RTN4RL1: variants seen among roughly 807,000 people sequenced by gnomAD.
RTN4RL1 encodes the protein reticulon 4 receptor like 1, also known as reticulon-4 receptor-like 1.
In RTN4RL1, 7 loss-of-function variants were observed where a neutral mutation model predicts 25.6. The observed-to-expected ratio is 0.27, with a 90% confidence interval of 0.16 to 0.51. The LOEUF (loss-of-function observed/expected upper bound fraction) is 0.51, where lower values mean the gene tolerates loss of function less well. Among genes scored for constraint, RTN4RL1 ranks in the 20% least tolerant of loss-of-function variants. The pLI, the probability that RTN4RL1 is intolerant of heterozygous loss-of-function variation, is 0.97. For synonymous variants in RTN4RL1, 297 were observed against 288.2 expected, an observed-to-expected ratio of 1.03 and a Z score of -0.31; for missense variants, 500 against 615.6, an observed-to-expected ratio of 0.81 and a Z score of 1.99.
At chr17:1,976,328 C>G (rs533758853) in intron 1 of RTN4RL1, among the ~76,000 whole-genome samples, 1 of 152,352 alleles carries the variant, frequency 6.6e-6, no homozygotes, top group East Asian at 1.9e-4. Flanking sequence ...AGGTGTCGGC[C>G]CATGGCCTGG....
At chr17:1,941,550 A>C (rs1267906445) in intron 1 of RTN4RL1, among the ~76,000 whole-genome samples, 4 of 152,160 alleles carry the variant, frequency 2.6e-5, no homozygotes, top group Non-Finnish European at 5.9e-5. Flanking sequence ...CAGTGTGGGC[A>C]GCCCCTCCCG....
intron 1 of RTN4RL1, among the ~76,000 whole-genome samples, chr17:2,023,307 T>C (rs1008392889): frequency 1.3e-5 from 2 of 152,296 alleles, no homozygotes; most frequent in Admixed American, 6.5e-5. Context: ...CACTGCTCGG[T>C]TGCTGAAAGG....
intron 1 of RTN4RL1, chr17:1,995,618 T>A (rs963568193): frequency 6.6e-6 from 1 of 152,184 alleles, no homozygotes; most frequent in African/African-American, 2.4e-5. Context: ...AACAACATGG[T>A]TCTGCCTGGC....
At chr17:1,964,657 G>A (rs1276490253) in intron 1 of RTN4RL1, among the ~76,000 whole-genome samples, 1 of 151,168 alleles carries the variant, frequency 6.6e-6, no homozygotes, top group Non-Finnish European at 1.5e-5. Flanking sequence ...GCGTGAACCT[G>A]GGAGGCGGAG....
At chr17:1,984,464 A>G (rs1045358260) in intron 1 of RTN4RL1, among the ~76,000 whole-genome samples, 1 of 152,106 alleles carries the variant, frequency 6.6e-6, no homozygotes, top group Non-Finnish European at 1.5e-5. Flanking sequence ...CCTGGACTCA[A>G]GCGACCCTCC....
chr17:1,964,718 C>T (rs575292057), intron 1 of RTN4RL1, among the ~76,000 whole-genome samples: 1 of 151,380 alleles, frequency 6.6e-6, no homozygotes, highest in East Asian at 1.9e-4. Context: ...GGCGACAGAG[C>T]AAGAACCTGT....
chr17:1,997,875 T>C (rs2066936666), intron 1 of RTN4RL1, among the ~76,000 whole-genome samples: 1 of 151,874 alleles, frequency 6.6e-6, no homozygotes, highest in South Asian at 2.1e-4. Flanking sequence ...GCTGACGCCC[T>C]CTGAGAAGGG....
chr17:1,954,345 T>C (rs1915744452), intron 1 of RTN4RL1, among the ~76,000 whole-genome samples: 1 of 151,610 alleles, frequency 6.6e-6, no homozygotes, highest in African/African-American at 2.4e-5. Context: ...ACTCTTCCTT[T>C]CCTTTCCTTT....
intron 1 of RTN4RL1, among the ~76,000 whole-genome samples, chr17:1,980,668 T>C (rs947460225): frequency 6.6e-5 from 10 of 151,978 alleles, no homozygotes; most frequent in Non-Finnish European, 1.2e-4. Context: ...TTTAAATCCT[T>C]ATCAAAGTGG....
chr17:1,994,771 G>C lies in RTN4RL1; in HGVS notation c.13+30082C>G, dbSNP rs1214627219. 6.6e-6 allele frequency among the ~76,000 whole-genome samples: 1 copy of C among 152,140 alleles called. No individual in the cohort carries two copies. The highest frequency in any genetic ancestry group is 1.5e-5 in the Non-Finnish European group (1 of 68,018). On this transcript the variant is annotated intron_variant, in intron 1 of 1. Coordinates refer to ENST00000331238, the MANE Select transcript of RTN4RL1 (RefSeq NM_178568.4). The surrounding 1 kb of genome is among the most constrained non-coding windows in gnomAD (Gnocchi z 4.3). ...GGGGATAATACACGCTTGCGTTGGG[G>C]GAAAGGTGGTTAAAAAGGAGGCTTA...
chr17:1,958,559 T>C (rs997262199), intron 1 of RTN4RL1, among the ~76,000 whole-genome samples: 4 of 152,218 alleles, frequency 2.6e-5, no homozygotes, highest in African/African-American at 9.6e-5. Context: ...TTGTCTTAAG[T>C]GCCAGCCCCA....
intron 1 of RTN4RL1, among the ~76,000 whole-genome samples, chr17:1,946,863 T>C (rs1224658727): frequency 1.3e-5 from 1 of 75,296 alleles, no homozygotes; most frequent in African/African-American, 5.0e-5. Context: ...TGTGTCTGTG[T>C]GCACGTGTGT....
intron 1 of RTN4RL1, among the ~76,000 whole-genome samples, chr17:2,016,198 T>C (rs1030890283): frequency 2.0e-5 from 3 of 152,116 alleles, no homozygotes; most frequent in African/African-American, 4.8e-5. Flanking sequence ...CTGGCCAACA[T>C]AGTGAAACCC....
rs552972415 is a variant in RTN4RL1, at chr17:2,002,395, C to T, written c.13+22458G>A. Among the ~76,000 whole-genome samples, 25 of 151,270 alleles carry T rather than the reference C, an allele frequency of 1.7e-4. No individual in the cohort carries two copies. In the South Asian group the frequency reaches 5.1e-3, roughly 31 times the overall value. ...GCAAGCTCCGCCTCCCGGGTTCACGCCATTCTCCTGCCTCAGCCTCCCGAG... is the reference window on the plus strand; with the variant it reads ...GCAAGCTCCGCCTCCCGGGTTCACGTCATTCTCCTGCCTCAGCCTCCCGAG... On this transcript the variant is annotated intron_variant, in intron 1 of 1. Coordinates refer to ENST00000331238, the MANE Select transcript of RTN4RL1 (RefSeq NM_178568.4).
chr17:1,953,335 G>A (rs1221188040), intron 1 of RTN4RL1, among the ~76,000 whole-genome samples: 1 of 151,984 alleles, frequency 6.6e-6, no homozygotes, highest in East Asian at 1.9e-4. Context: ...GAGCCCAAGA[G>A]CTTAAGGCTG....
intron 1 of RTN4RL1, among the ~76,000 whole-genome samples, chr17:1,941,701 C>T (rs1915441817): frequency 6.6e-6 from 1 of 152,156 alleles, no homozygotes; most frequent in Non-Finnish European, 1.5e-5. Context: ...TCCAGGCACC[C>T]CTGCCCCTCC....
chr17:1,967,400 A>ACGC (rs2066796605), intron 1 of RTN4RL1, among the ~76,000 whole-genome samples: 2 of 151,700 alleles, frequency 1.3e-5, no homozygotes, highest in African/African-American at 2.4e-5. Context: ...GCTACCCACC[A>ACGC]CGCCTCGCCG....
chr17:1,959,482 T>A (rs989650354), intron 1 of RTN4RL1, among the ~76,000 whole-genome samples: 1 of 152,018 alleles, frequency 6.6e-6, no homozygotes, highest in African/African-American at 2.4e-5. Flanking sequence ...TACACCTAAA[T>A]CCCCAGAGCT....
At chr17:1,988,315 G>C (rs1224313112) in intron 1 of RTN4RL1, among the ~76,000 whole-genome samples, 3 of 147,686 alleles carry the variant, frequency 2.0e-5, no homozygotes, top group African/African-American at 7.5e-5. Context: ...TGAGGCAGGA[G>C]AATTGCTTGA....
Sources: allele counts gnomAD v4.1 joint callset (sites outside exome capture counted in the v4.1 genomes callset), GRCh38; gene constraint gnomAD v4.1.1; non-coding constraint Gnocchi (gnomAD v3.1); transcripts MANE v1.5; gene names NCBI Gene and HGNC (gene_info 2026-07-23, HGNC 2026-07-21).